The following ADCY8 variants were observed in gnomAD, a reference collection of about 807,000 sequenced individuals.
ADCY8 encodes adenylate cyclase 8.
Under a neutral mutation model 119.7 loss-of-function variants are expected in ADCY8, and 51 were observed. That is an observed-to-expected ratio of 0.43 (90% CI 0.34 to 0.54). The LOEUF (loss-of-function observed/expected upper bound fraction) is 0.54, where lower values mean the gene tolerates loss of function less well. Ranked by LOEUF, ADCY8 falls within the 20% of genes least tolerant of loss-of-function variation. The pLI is 0.03. For missense variants in ADCY8, 1,383 were observed against 1,598.8 expected, an observed-to-expected ratio of 0.87 and a Z score of 2.30; for synonymous variants, 665 against 651.0, an observed-to-expected ratio of 1.02 and a Z score of -0.33.
intron 1 of ADCY8, among the ~76,000 whole-genome samples, chr8:131,027,508 A>G (rs1302706678): frequency 6.6e-6 from 1 of 152,116 alleles, no homozygotes; most frequent in Non-Finnish European, 1.5e-5. Context: ...GGCTTGATGA[A>G]TCTTGGGGGT....
intron 5 of ADCY8, 87 bp from the exon 6 acceptor site, chr8:130,909,953 T>C: frequency 7.6e-7 from 1 of 1,316,646 alleles, no homozygotes; most frequent in Non-Finnish European, 1.0e-6. Context: ...TTTTTTTTTT[T>C]TTGAGACGGA....
intron 2 of ADCY8, among the ~76,000 whole-genome samples, chr8:130,972,688 C>T (rs1171328536): frequency 6.6e-6 from 1 of 152,104 alleles, no homozygotes; most frequent in African/African-American, 2.4e-5. Context: ...AATATTCTTT[C>T]CTGGCGGTCA....
intron 1 of ADCY8, among the ~76,000 whole-genome samples, chr8:131,017,236 A>G (rs1279138025): frequency 6.6e-6 from 1 of 151,910 alleles, no homozygotes; most frequent in Admixed American, 6.6e-5. Context: ...CGCCCGGCTA[A>G]TTTGTGTATT....
At chr8:130,912,456 C>G (rs1347320508) in intron 5 of ADCY8, among the ~76,000 whole-genome samples, 4 of 152,170 alleles carry the variant, frequency 2.6e-5, no homozygotes, top group Admixed American at 6.5e-5. Context: ...CCTGAGGCAG[C>G]CTTACATTCC....
rs182094509 is a variant in ADCY8, at chr8:130,979,880, T to A, written c.1110+10513A>T. 5.3e-5 allele frequency among the ~76,000 whole-genome samples: 8 copies of A among 152,308 alleles called. 1 individual carries two copies. The highest frequency in any genetic ancestry group is 1.9e-4 in the African/African-American group (8 of 41,570). On this transcript the variant is annotated intron_variant, in intron 2 of 17. Coordinates refer to ENST00000286355, the MANE Select transcript of ADCY8 (RefSeq NM_001115.3). ...GAGGTAAGAAATGGGTCTGACTTCATTCTAACAGCAATAGGAAGTTGTATT... is the reference window on the plus strand; with the variant it reads ...GAGGTAAGAAATGGGTCTGACTTCAATCTAACAGCAATAGGAAGTTGTATT...
chr8:130,820,852 C>A (rs553847421), intron 13 of ADCY8, among the ~76,000 whole-genome samples: 16 of 152,214 alleles, frequency 1.1e-4, no homozygotes, highest in Non-Finnish European at 1.9e-4. Flanking sequence ...TAATCTGCAA[C>A]GCTTCCTCAA....
intron 2 of ADCY8, among the ~76,000 whole-genome samples, chr8:130,957,026 G>A (rs543186637): frequency 1.1e-4 from 16 of 152,320 alleles, no homozygotes; most frequent in South Asian, 2.1e-4. Flanking sequence ...GGACTGGGGC[G>A]TTGCTGAAAA....
chr8:130,984,109 C>T (rs145320103), intron 2 of ADCY8, among the ~76,000 whole-genome samples: 4 of 148,376 alleles, frequency 2.7e-5, no homozygotes, highest in African/African-American at 7.9e-5. Context: ...GGGTGGGCTC[C>T]CTGTGAAGAG....
At chr8:130,930,695 T>C (rs1652920548) in intron 5 of ADCY8, among the ~76,000 whole-genome samples, 1 of 152,208 alleles carries the variant, frequency 6.6e-6, no homozygotes, top group African/African-American at 2.4e-5. Flanking sequence ...CTACTGTATA[T>C]TTTTAATCCA....
intron 2 of ADCY8, among the ~76,000 whole-genome samples, chr8:130,986,923 C>G (rs865869605): frequency 6.6e-6 from 1 of 152,288 alleles, no homozygotes; most frequent in South Asian, 2.1e-4. Context: ...TAGTGTCCAG[C>G]ATTGCTGTCC....
intron 1 of ADCY8, among the ~76,000 whole-genome samples, chr8:130,996,514 T>C (rs1337799277): frequency 1.3e-5 from 2 of 152,066 alleles, no homozygotes; most frequent in African/African-American, 2.4e-5. Flanking sequence ...AAGTAGACTA[T>C]GCTGTATAGA....
At chr8:130,921,728 C>G (rs1264111814) in intron 5 of ADCY8, among the ~76,000 whole-genome samples, 2 of 152,162 alleles carry the variant, frequency 1.3e-5, no homozygotes, top group African/African-American at 4.8e-5. Context: ...GCTGGGATTA[C>G]AGGTGTGAGC....
At chr8:130,952,131 A>C (rs1821293589) in intron 2 of ADCY8, 133 bp from the exon 3 acceptor site, 1 of 995,102 alleles carries the variant, frequency 1.0e-6, no homozygotes, top group East Asian at 2.5e-5. Context: ...CATTCTATGA[A>C]TACAACAAAT....
At chr8:130,960,606 C>G (rs1162567711) in intron 2 of ADCY8, among the ~76,000 whole-genome samples, 1 of 152,052 alleles carries the variant, frequency 6.6e-6, no homozygotes, top group African/African-American at 2.4e-5. Flanking sequence ...TGGAAATGGT[C>G]AGAATGGGAG....
At chr8:131,019,995 A>G (rs2130794000) in intron 1 of ADCY8, among the ~76,000 whole-genome samples, 1 of 152,228 alleles carries the variant, frequency 6.6e-6, no homozygotes, top group South Asian at 2.1e-4. Context: ...GAATGAGGGA[A>G]GAACATCTTG....
At chr8:130,813,501 T>A (rs1454092231) in intron 14 of ADCY8, among the ~76,000 whole-genome samples, 2 of 152,232 alleles carry the variant, frequency 1.3e-5, no homozygotes, top group African/African-American at 4.8e-5. Context: ...TTTTTGCGAA[T>A]GGCCCATTTT....
At chr8:130,938,281 G>A (rs1820849748) in intron 4 of ADCY8, among the ~76,000 whole-genome samples, 1 of 152,186 alleles carries the variant, frequency 6.6e-6, no homozygotes, top group South Asian at 2.1e-4. Context: ...GATGGTGCAA[G>A]TGAAAGCTCA....
In ADCY8 at chr8:130,813,993, G is replaced by T. The variant is rs1586440047; in HGVS notation, c.2913+76C>A. On this transcript the variant is annotated intron_variant, in intron 14 of 17. Coordinates refer to ENST00000286355, the MANE Select transcript of ADCY8 (RefSeq NM_001115.3). ...ATGATGACAGTGAAATTCTCCCAGA[G>T]TTTGGGATCAATGTGAACAACTGCA... 2.6e-6 allele frequency: 4 copies of T among 1,547,018 alleles called. No individual in the cohort carries two copies. The East Asian group carries it at 6.8e-5, about 26-fold the overall frequency.
chr8:130,950,096 T>A (rs1275620331), intron 3 of ADCY8, among the ~76,000 whole-genome samples: 1 of 152,346 alleles, frequency 6.6e-6, no homozygotes, highest in South Asian at 2.1e-4. Flanking sequence ...TGCAAAATTG[T>A]CCTCTATCCT....
Sources: allele counts gnomAD v4.1 joint callset (sites outside exome capture counted in the v4.1 genomes callset), GRCh38; gene constraint gnomAD v4.1.1; transcripts MANE v1.5; gene names NCBI Gene and HGNC (gene_info 2026-07-23, HGNC 2026-07-21).